FTO: variants seen among roughly 807,000 people sequenced by gnomAD.
The protein encoded by FTO is FTO alpha-ketoglutarate dependent dioxygenase, also known as alpha-ketoglutarate-dependent dioxygenase FTO.
Under a neutral mutation model 63.9 loss-of-function variants are expected in FTO, and 47 were observed. The ratio of observed to expected loss-of-function variants is 0.74; its 90% confidence interval spans 0.58 to 0.94. FTO has a LOEUF of 0.94. Among genes scored for constraint, FTO ranks in the 40% least tolerant of loss-of-function variants. The probability of loss-of-function intolerance (pLI) is 0.00; values close to 1 mark genes in which losing one functional copy is unlikely to be tolerated. For synonymous variants in FTO, 207 were observed against 224.4 expected, an observed-to-expected ratio of 0.92 and a Z score of 0.69; for missense variants, 562 against 618.1, an observed-to-expected ratio of 0.91 and a Z score of 0.96.
At position 54,118,386 on chromosome 16, in the gene FTO, G is replaced by A. The variant is rs560781910; in HGVS notation, c.*6471G>A. ...TTTTTCTTTTTTTTTTTCAGACAGG[G>A]TCTCACCCTGTCACGTAGGCTGGAG... On this transcript the variant is annotated 3_prime_UTR_variant, in exon 9 of 9. Coordinates refer to ENST00000471389, the MANE Select transcript of FTO (RefSeq NM_001080432.3). 1 of 143,180 alleles carries A rather than the reference G, an allele frequency of 7.0e-6. No individual in the cohort carries two copies. The highest frequency in any genetic ancestry group is 1.5e-5 in the Non-Finnish European group (1 of 65,754). 8.9% of individuals were successfully genotyped at this position (143,180 alleles called of 1,614,324 possible). A position where few individuals can be genotyped will look rare whatever the true frequency, so the allele number is the denominator to read the frequency against.
intron 8 of FTO, among the ~76,000 whole-genome samples, chr16:54,085,288 C>T (rs1036592841): frequency 6.6e-6 from 1 of 152,174 alleles, no homozygotes; most frequent in African/African-American, 2.4e-5. Flanking sequence ...GACATTTAAC[C>T]CTTCCCAAGA....
chr16:54,030,815 G>T (rs2084811463), intron 8 of FTO, among the ~76,000 whole-genome samples: 1 of 152,138 alleles, frequency 6.6e-6, no homozygotes, highest in Non-Finnish European at 1.5e-5. Flanking sequence ...ATAACAGTAG[G>T]AAAGATATGC....
intron 8 of FTO, among the ~76,000 whole-genome samples, chr16:54,076,443 A>G (rs1357938772): frequency 6.6e-6 from 1 of 152,222 alleles, no homozygotes; most frequent in African/African-American, 2.4e-5. Context: ...CCACAAAGCA[A>G]GTATACAGGG....
rs1567346906 is a variant in FTO at position 53,839,794 on chromosome 16, TA to T, written c.752-4360del. Among the ~76,000 whole-genome samples the T allele has an allele frequency of 6.8e-5, 7 of 102,948 alleles. No homozygotes were observed. In the East Asian group the frequency reaches 1.4e-3, roughly 21 times the overall value. 67.5% of individuals were successfully genotyped at this position (102,948 alleles called of 152,430 possible). A position where few individuals can be genotyped will look rare whatever the true frequency, so the allele number is the denominator to read the frequency against. The stretch of plus-strand genomic sequence containing the variant: ...CTTTTTTTTTATTTATTTATTTATT[TA>T]TTTATTTATTTATTTATTTATTTAT... On this transcript the variant is annotated intron_variant, in intron 3 of 8. Transcript: ENST00000471389.
intron 7 of FTO, among the ~76,000 whole-genome samples, chr16:53,932,270 C>G (rs1172865995): frequency 6.6e-6 from 1 of 152,130 alleles, no homozygotes; most frequent in African/African-American, 2.4e-5. Context: ...GAATCAGGGT[C>G]CTTTTCCTGG....
At chr16:53,907,437 C>A (rs2081567242) in intron 7 of FTO, among the ~76,000 whole-genome samples, 2 of 152,210 alleles carry the variant, frequency 1.3e-5, no homozygotes, top group Non-Finnish European at 2.9e-5. Flanking sequence ...CTCTCTGCCA[C>A]AGCCCAGCAT....
chr16:53,750,869 A>G (rs2076772884), intron 1 of FTO, among the ~76,000 whole-genome samples: 1 of 152,268 alleles, frequency 6.6e-6, no homozygotes, highest in Non-Finnish European at 1.5e-5. Flanking sequence ...CATGGGCAAT[A>G]TGGAAGACAG....
At chr16:53,813,189 C>G (rs1242211093) in intron 2 of FTO, among the ~76,000 whole-genome samples, 2 of 151,708 alleles carry the variant, frequency 1.3e-5, no homozygotes, top group Non-Finnish European at 2.9e-5. Flanking sequence ...TCTAATCACT[C>G]TAAGTGCACC....
chr16:53,924,831 T>C (rs536060946), intron 7 of FTO, among the ~76,000 whole-genome samples: 1 of 152,132 alleles, frequency 6.6e-6, no homozygotes, highest in Non-Finnish European at 1.5e-5. Context: ...GAATGTTTAT[T>C]TGTTCTGCCA....
chr16:54,034,790 A>G (rs1218672784), intron 8 of FTO, among the ~76,000 whole-genome samples: 2 of 152,224 alleles, frequency 1.3e-5, no homozygotes, highest in African/African-American at 2.4e-5. Context: ...AGCTGGCTAC[A>G]TTCACAATGT....
intron 1 of FTO, among the ~76,000 whole-genome samples, chr16:53,753,268 AC>A (rs1264689195): frequency 3.3e-5 from 5 of 151,036 alleles, no homozygotes; most frequent in African/African-American, 9.8e-5. Context: ...AAAAAAAAAA[AC>A]AAAACAAAAC....
rs577629124 is a variant in FTO at position 54,077,506 on chromosome 16, T to C, written c.1365-34256T>C. Among the ~76,000 whole-genome samples the C allele has an allele frequency of 6.6e-5, 10 of 152,260 alleles. No homozygotes were observed. The South Asian group carries it at 2.1e-3, about 32-fold the overall frequency. On this transcript the variant is annotated intron_variant, in intron 8 of 8. Coordinates refer to ENST00000471389, the MANE Select transcript of FTO (RefSeq NM_001080432.3). ...AGTCACAGTAAAGGCCCAGTAGTCA[T>C]CCTGAAGCCGCCTCCCCCACCAAGC...
intron 1 of FTO, among the ~76,000 whole-genome samples, chr16:53,719,777 T>TTTTTATA (rs1395982179): frequency 1.3e-5 from 2 of 152,088 alleles, no homozygotes; most frequent in Non-Finnish European, 2.9e-5. Context: ...TACTTATTCA[T>TTTTTATA]TTTTATTCTT....
chr16:53,973,817 T>G (rs1314936283), intron 8 of FTO, among the ~76,000 whole-genome samples: 4 of 152,206 alleles, frequency 2.6e-5, no homozygotes, highest in African/African-American at 9.6e-5. Flanking sequence ...CATATACATT[T>G]TTCAAAACTT....
At chr16:53,909,746 T>C (rs1330425988) in intron 7 of FTO, among the ~76,000 whole-genome samples, 1 of 151,794 alleles carries the variant, frequency 6.6e-6, no homozygotes, top group East Asian at 1.9e-4. Context: ...GTATTTTTGG[T>C]AGAGACAGGG....
intron 8 of FTO, among the ~76,000 whole-genome samples, chr16:53,976,193 T>C (rs935918487): frequency 6.6e-6 from 1 of 152,234 alleles, no homozygotes; most frequent in Non-Finnish European, 1.5e-5. Context: ...TAAGATCAAC[T>C]TTCTTTAAAA....
chr16:53,719,632 GTTT>G (rs751170395), intron 1 of FTO, among the ~76,000 whole-genome samples: 1,085 of 100,048 alleles, frequency 0.011, 10 homozygotes, highest in African/African-American at 0.033. Context: ...CTGGTAGTCT[GTTT>G]TTTTTTTTTT....
chr16:54,081,458 C>A (rs958669942), intron 8 of FTO, among the ~76,000 whole-genome samples: 1 of 152,164 alleles, frequency 6.6e-6, no homozygotes, highest in African/African-American at 2.4e-5. Context: ...AATCAGGACA[C>A]ATTCTTGAGT....
intron 7 of FTO, among the ~76,000 whole-genome samples, chr16:53,914,230 G>T (rs568381033): frequency 2.0e-4 from 31 of 151,828 alleles, no homozygotes; most frequent in Non-Finnish European, 3.4e-4. Context: ...TGATGTCTTA[G>T]AAGAAATACT....
Sources: gnomAD v4.1 joint callset for allele counts (sites outside exome capture counted in the v4.1 genomes callset) on GRCh38, gnomAD v4.1.1 for gene constraint, MANE v1.5 for transcripts, NCBI Gene and HGNC (gene_info 2026-07-23, HGNC 2026-07-21) for gene names.